The following CACNA1A variants were observed in gnomAD, a reference collection of about 807,000 sequenced individuals.
The protein encoded by CACNA1A is calcium voltage-gated channel subunit alpha1 A, also known as voltage-dependent P/Q-type calcium channel subunit alpha-1A.
In CACNA1A, 57 loss-of-function variants were observed where a neutral mutation model predicts 262.4. The observed-to-expected ratio is 0.22, with a 90% CI of 0.18 to 0.27. CACNA1A has a LOEUF of 0.27. Among genes scored for constraint, CACNA1A ranks in the 10% least tolerant of loss-of-function variants. CACNA1A has a pLI of 1.00. For missense variants in CACNA1A, 2,526 were observed against 3,562.8 expected (o/e 0.71, Z 7.41); for synonymous variants, 1,431 against 1,419.3 (o/e 1.01, Z -0.18).
chr19:13,304,012 G>A (rs768027566), intron 15 of CACNA1A, 128 bp from the exon 16 acceptor site: 24 of 665,876 alleles, frequency 3.6e-5, no homozygotes, highest in South Asian at 7.5e-5. Context: ...AATCCTGCCC[G>A]GTTTGCAGAG....
At chr19:13,231,000 T>G (rs66859881) in intron 35 of CACNA1A, among the ~76,000 whole-genome samples, 100,551 of 147,402 alleles carry the variant, frequency 0.68, 34,297 homozygotes, top group Non-Finnish European at 0.72. Context: ...TTTTTTTTTT[T>G]TGTTTGTTTT....
chr19:13,372,264 G>A (rs1306303477), intron 3 of CACNA1A, among the ~76,000 whole-genome samples: 1 of 152,036 alleles, frequency 6.6e-6, no homozygotes, highest in Non-Finnish European at 1.5e-5. Flanking sequence ...TGCCTCCCGG[G>A]TTCAAGGGAT....
chr19:13,255,614 C>A (rs1035661253), intron 28 of CACNA1A, among the ~76,000 whole-genome samples: 1 of 152,038 alleles, frequency 6.6e-6, no homozygotes, highest in Non-Finnish European at 1.5e-5. Flanking sequence ...ACACAGCTAC[C>A]GAGTGTGCCA....
intron 1 of CACNA1A, among the ~76,000 whole-genome samples, chr19:13,477,647 G>A (rs1017201333): frequency 2.6e-5 from 4 of 152,198 alleles, no homozygotes; most frequent in Non-Finnish European, 5.9e-5. Context: ...AAGGGCTGGG[G>A]ATGCAACAGA....
In CACNA1A at chr19:13,359,861, A is replaced by C. The variant is rs2059071517; in HGVS notation, c.785-62T>G. 3 of 1,151,712 alleles carry C rather than the reference A, an allele frequency of 2.6e-6. No homozygotes were observed. The East Asian group carries it at 7.8e-5, about 30-fold the overall frequency. The allele number at this position is 1,151,712 out of a possible 1,614,324, so 71.3% of individuals were successfully genotyped here. Reference sequence around the variant, plus strand: ...GCAGGGAAAACCAGCTCTGAGAAATAGGGACCAGTGACTCTATAATGCTGT... The same window carrying C: ...GCAGGGAAAACCAGCTCTGAGAAATCGGGACCAGTGACTCTATAATGCTGT... On this transcript the variant is annotated intron_variant, in intron 5 of 46. Transcript: ENST00000360228.
chr19:13,424,418 T>A (rs1198831942), intron 3 of CACNA1A, among the ~76,000 whole-genome samples: 1 of 152,106 alleles, frequency 6.6e-6, no homozygotes, highest in African/African-American at 2.4e-5. Context: ...CCAAGAACTG[T>A]GCTGGATGTT....
rs1176237039 is a variant in CACNA1A, at chr19:13,253,033, G to A, written c.4824C>T (p.Phe1608=). 6.2e-7 allele frequency: 1 copy of A among 1,613,642 alleles called. No individual in the cohort carries two copies. Among genetic ancestry groups the A allele is most frequent in the African/African-American group, 1.3e-5 (1 of 74,928 alleles). The change falls in exon 30 of 47, where the codon TTC becomes TTT. Residue 1608 remains phenylalanine (F), a synonymous_variant. Coordinates refer to ENST00000360228, the MANE Select transcript of CACNA1A (RefSeq NM_001127222.2). ...TGACTTTCAGCACACATTCCAGAGA[G>A]AAGAGGGAGGTGAAGACGATGTTGA... ...RVFNIVFTSL[F]SLECVLKVMA... is the part of the protein sequence containing the mutation.
rs1254987964 is a variant in CACNA1A, at chr19:13,303,549, G to C, written c.2169C>G (p.Thr723=). ...VDNLANAQEL[T]KDEQEEEEAA... is the part of the protein sequence containing the mutation. ...AACATTCTCCCACCGCCTCCACCTTGGTGAGCTCCTGGGCGTTGGCCAGAT... is the reference window on the plus strand; with the variant it reads ...AACATTCTCCCACCGCCTCCACCTTCGTGAGCTCCTGGGCGTTGGCCAGAT... The change falls in exon 17 of 47, where the codon ACC becomes ACG. Residue 723 remains threonine, a synonymous_variant. Transcript: ENST00000360228. The C allele has an allele frequency of 6.3e-7, 1 of 1,589,232 alleles. No individual in the cohort carries two copies.
chr19:13,477,904 A>G (rs1001648231), intron 1 of CACNA1A, among the ~76,000 whole-genome samples: 1 of 152,126 alleles, frequency 6.6e-6, no homozygotes, highest in Non-Finnish European at 1.5e-5. Flanking sequence ...GCACTCAACC[A>G]TGGGCCCCCT....
chr19:13,320,276 A>AGAGAGAGAC (rs1600321519), intron 10 of CACNA1A, among the ~76,000 whole-genome samples: 1 of 102,530 alleles, frequency 9.8e-6, no homozygotes. Context: ...GAGAGAGAGA[A>AGAGAGAGAC]ACCACAGCAG....
rs1282262017 is a variant in CACNA1A, at chr19:13,259,566, T to C, written c.4386A>G (p.Pro1462=). Residue 1462 remains proline (P), a splice_region_variant and synonymous_variant, in exon 27 of 47, where the codon CCA becomes CCG. Transcript: ENST00000360228. The part of the protein sequence containing the change: ...LFTVSTGEGW[P]QVLKHSVDAT... ...AGATTTCCAGTCGGGCCACTTACTG[T>C]GGCCAGCCTTCTCCCGTGGACACGG... 6.2e-7 allele frequency: 1 copy of C among 1,603,730 alleles called. No individual in the cohort carries two copies. Among genetic ancestry groups the C allele is most frequent in the East Asian group, 2.2e-5 (1 of 44,666 alleles).
intron 3 of CACNA1A, among the ~76,000 whole-genome samples, chr19:13,430,968 T>C (rs1423329095): frequency 1.3e-5 from 2 of 151,704 alleles, no homozygotes; most frequent in African/African-American, 4.8e-5. Context: ...GCAAAGGCCC[T>C]GAGGCTGGGG....
intron 3 of CACNA1A, among the ~76,000 whole-genome samples, chr19:13,437,349 T>C (rs1475941013): frequency 6.6e-6 from 1 of 151,966 alleles, no homozygotes; most frequent in East Asian, 1.9e-4. Context: ...CCGGCCTCGG[T>C]TTCCATAAAC....
chr19:13,293,983 C>T (rs1432725963), intron 19 of CACNA1A, among the ~76,000 whole-genome samples: 2 of 152,060 alleles, frequency 1.3e-5, no homozygotes, highest in African/African-American at 2.4e-5. Context: ...CTCTTCCTGG[C>T]ATATTGTTAG....
chr19:13,382,766 G>A (rs1045392432), intron 3 of CACNA1A, among the ~76,000 whole-genome samples: 2 of 152,184 alleles, frequency 1.3e-5, no homozygotes, highest in Non-Finnish European at 2.9e-5. Context: ...CAAAGGCAGT[G>A]GGAGTACAAA....
chr19:13,473,938 C>T (rs1158159343), intron 1 of CACNA1A, among the ~76,000 whole-genome samples: 2 of 152,216 alleles, frequency 1.3e-5, no homozygotes, highest in African/African-American at 2.4e-5. Flanking sequence ...AATGAAACCT[C>T]CCTCACTTGC....
chr19:13,468,338 T>C (rs1039291986), intron 1 of CACNA1A, among the ~76,000 whole-genome samples: 16 of 152,138 alleles, frequency 1.1e-4, no homozygotes, highest in African/African-American at 3.9e-4. Flanking sequence ...CTCTGTCTCC[T>C]GATTCAATTT....
At chr19:13,449,437 A>G (rs1419082349) in intron 3 of CACNA1A, among the ~76,000 whole-genome samples, 1 of 152,156 alleles carries the variant, frequency 6.6e-6, no homozygotes, top group Non-Finnish European at 1.5e-5. Flanking sequence ...AGCTGGGACC[A>G]CAGGAGCACA....
chr19:13,468,227 C>A (rs750823018), intron 1 of CACNA1A, among the ~76,000 whole-genome samples: 1 of 152,016 alleles, frequency 6.6e-6, no homozygotes, highest in African/African-American at 2.4e-5. Context: ...AGTGAGGATG[C>A]TTCAGTGTCA....
Sources: allele counts gnomAD v4.1 joint callset (sites outside exome capture counted in the v4.1 genomes callset), GRCh38; gene constraint gnomAD v4.1.1; transcripts MANE v1.5; gene names NCBI Gene and HGNC (gene_info 2026-07-23, HGNC 2026-07-21).